The following EPB41L5 variants were observed in gnomAD, a reference collection of about 807,000 sequenced individuals.
The protein encoded by EPB41L5 is erythrocyte membrane protein band 4.1 like 5.
In EPB41L5, 55 loss-of-function variants were observed where a neutral mutation model predicts 106.6. That is an observed-to-expected ratio of 0.52 (90% CI 0.42 to 0.65). The LOEUF is 0.65. Among genes scored for constraint, EPB41L5 ranks in the 30% least tolerant of loss-of-function variants. The pLI is 0.00. For synonymous variants in EPB41L5, 297 were observed against 306.7 expected (o/e 0.97, Z 0.33); for missense variants, 871 against 882.1 (o/e 0.99, Z 0.16).
chr2:120,024,363 T>A (rs1678161431), intron 2 of EPB41L5, among the ~76,000 whole-genome samples: 1 of 152,200 alleles, frequency 6.6e-6, no homozygotes, highest in Non-Finnish European at 1.5e-5. Context: ...CATCAATACC[T>A]AGTTTATTGA....
At chr2:120,104,877 G>T (rs12603) in intron 16 of EPB41L5, 680,735 of 973,588 alleles carry the variant, frequency 0.7, 240,850 homozygotes, top group Middle Eastern at 0.73. Context: ...AATCTGAATG[G>T]TTAGTTTTGA....
At chr2:120,096,221 A>AT (rs890487308) in intron 14 of EPB41L5, among the ~76,000 whole-genome samples, 10 of 148,778 alleles carry the variant, frequency 6.7e-5, no homozygotes, top group South Asian at 2.1e-4. Flanking sequence ...TGAAATGTCC[A>AT]TTTTTTTTTC....
At chr2:120,052,972 AT>A (rs1453876097) in intron 3 of EPB41L5, among the ~76,000 whole-genome samples, 2 of 152,060 alleles carry the variant, frequency 1.3e-5, no homozygotes, top group African/African-American at 2.4e-5. Context: ...TCACCAGTAG[AT>A]TTACTATATT....
chr2:120,119,931 G>A (rs1285714345), intron 16 of EPB41L5, among the ~76,000 whole-genome samples: 1 of 151,996 alleles, frequency 6.6e-6, no homozygotes, highest in Non-Finnish European at 1.5e-5. Flanking sequence ...AAAAAGCTAA[G>A]AAAACTCAGT....
intron 2 of EPB41L5, among the ~76,000 whole-genome samples, chr2:120,040,072 T>C (rs1005871644): frequency 7.0e-6 from 1 of 143,760 alleles, no homozygotes; most frequent in African/African-American, 2.7e-5. Flanking sequence ...CTGTGCTTTT[T>C]ATATATATAT....
chr2:120,018,438 A>G (rs915423754), intron 1 of EPB41L5, among the ~76,000 whole-genome samples: 1 of 152,192 alleles, frequency 6.6e-6, no homozygotes, highest in Non-Finnish European at 1.5e-5. Context: ...GTAAATTTAG[A>G]AAGCTCCAAA....
intron 14 of EPB41L5, among the ~76,000 whole-genome samples, chr2:120,098,072 A>G (rs577092559): frequency 3.9e-5 from 6 of 152,120 alleles, no homozygotes; most frequent in African/African-American, 1.2e-4. Context: ...AGGAAGAGCA[A>G]CATGGTTAGT....
chr2:120,081,984 C>G (rs535224940), intron 10 of EPB41L5, among the ~76,000 whole-genome samples: 15 of 152,174 alleles, frequency 9.9e-5, no homozygotes, highest in East Asian at 9.7e-4. Flanking sequence ...TGCTGAAGTT[C>G]CTTATCAGCT....
chr2:120,016,825 A>G (rs759362253), intron 1 of EPB41L5, among the ~76,000 whole-genome samples: 1 of 152,192 alleles, frequency 6.6e-6, no homozygotes, highest in African/African-American at 2.4e-5. Flanking sequence ...AGTCTTAGGC[A>G]GCTGAAATGA....
intron 16 of EPB41L5, among the ~76,000 whole-genome samples, chr2:120,113,453 A>G (rs575414666): frequency 2.6e-5 from 4 of 152,360 alleles, no homozygotes; most frequent in East Asian, 3.9e-4. Flanking sequence ...ATGTCTTTAC[A>G]TATTTCTTTA....
At chr2:120,174,358 G>C (rs1228225436) in intron 24 of EPB41L5, among the ~76,000 whole-genome samples, 1 of 152,100 alleles carries the variant, frequency 6.6e-6, no homozygotes, top group Admixed American at 6.5e-5. Flanking sequence ...TTCTACTTTT[G>C]GGAGGCTGAG....
chr2:120,126,943 T>C (rs2105461178), intron 16 of EPB41L5, among the ~76,000 whole-genome samples: 1 of 152,328 alleles, frequency 6.6e-6, no homozygotes, highest in Non-Finnish European at 1.5e-5. Context: ...TTATAAATGA[T>C]TTTCAGTGTA....
intron 16 of EPB41L5, chr2:120,106,858 A>G (rs1684482916): frequency 7.1e-6 from 7 of 984,138 alleles, no homozygotes; most frequent in Non-Finnish European, 8.4e-6. Flanking sequence ...TGATAGGATA[A>G]TCATAGATAA....
chr2:120,055,212 G>T (rs1680566320), intron 3 of EPB41L5, among the ~76,000 whole-genome samples: 1 of 152,144 alleles, frequency 6.6e-6, no homozygotes, highest in South Asian at 2.1e-4. Context: ...ACAGTGTCTT[G>T]ATTATGGTAA....
rs552882770 is a variant in EPB41L5, at chr2:120,061,246, G to A, written c.286-11932G>A. On this transcript the variant is annotated intron_variant, in intron 3 of 24. Transcript: ENST00000263713. ...TTTTTTTATTTTTTTTTTTTGAGACGGAGTCTCGCTCTGTCGCCCAGGCTG... is the reference window on the plus strand; with the variant it reads ...TTTTTTTATTTTTTTTTTTTGAGACAGAGTCTCGCTCTGTCGCCCAGGCTG... Among the ~76,000 whole-genome samples the A allele has an allele frequency of 5.6e-5, 8 of 142,738 alleles. No individual in the cohort carries two copies. In the East Asian group the frequency reaches 1.4e-3, roughly 25 times the overall value. The allele number at this position is 142,738 out of a possible 152,430, so 93.6% of individuals were successfully genotyped here. A position where few individuals can be genotyped will look rare whatever the true frequency, so the allele number is the denominator to read the frequency against.
At chr2:120,092,263 A>C (rs540251200) in intron 13 of EPB41L5, among the ~76,000 whole-genome samples, 3 of 152,182 alleles carry the variant, frequency 2.0e-5, no homozygotes, top group Admixed American at 2.0e-4. Flanking sequence ...TCCTGACCTC[A>C]AGTGATCCAC....
intron 3 of EPB41L5, among the ~76,000 whole-genome samples, chr2:120,061,031 GTTTTTT>G (rs375754153): frequency 0.017 from 1,162 of 69,012 alleles, 4 homozygotes; most frequent in Non-Finnish European, 0.025. Flanking sequence ...GTTCAGGGAA[GTTTTTT>G]TTTTTTTTTT....
intron 11 of EPB41L5, among the ~76,000 whole-genome samples, chr2:120,088,001 A>G (rs2105359044): frequency 6.6e-6 from 1 of 152,342 alleles, no homozygotes; most frequent in Non-Finnish European, 1.5e-5. Context: ...AAAAGGCAAG[A>G]AGAATTTTAC....
At chr2:120,088,268 G>A (rs1449916582) in intron 11 of EPB41L5, among the ~76,000 whole-genome samples, 1 of 152,146 alleles carries the variant, frequency 6.6e-6, no homozygotes, top group Non-Finnish European at 1.5e-5. Flanking sequence ...AAAAAAGAAT[G>A]AGATCTTTTT....
Sources: gnomAD v4.1 joint callset for allele counts (sites outside exome capture counted in the v4.1 genomes callset) on GRCh38, gnomAD v4.1.1 for gene constraint, MANE v1.5 for transcripts, NCBI Gene and HGNC (gene_info 2026-07-23, HGNC 2026-07-21) for gene names.